The following RGS12 variants were observed in gnomAD, a reference collection of about 807,000 sequenced individuals.
RGS12 encodes regulator of G protein signaling 12, also known as regulator of G-protein signaling 12.
In RGS12, 66 loss-of-function variants were observed where a neutral mutation model predicts 120.1. The ratio of observed to expected loss-of-function variants is 0.55; its 90% CI spans 0.45 to 0.67. RGS12 has a LOEUF of 0.67. Ranked by LOEUF, RGS12 falls within the 30% of genes least tolerant of loss-of-function variation. The pLI is 0.00. For synonymous variants in RGS12, 827 were observed against 804.7 expected (o/e 1.03, Z -0.47); for missense variants, 1,859 against 1,957.7 (o/e 0.95, Z 0.95).
intron 4 of RGS12, among the ~76,000 whole-genome samples, chr4:3,405,230 T>A (rs571027406): frequency 6.6e-5 from 10 of 152,294 alleles, no homozygotes; most frequent in African/African-American, 2.4e-4. Context: ...TGCACGAAGC[T>A]TATTATCACC....
At chr4:3,391,982 A>G (rs988343872) in intron 4 of RGS12, among the ~76,000 whole-genome samples, 1 of 152,210 alleles carries the variant, frequency 6.6e-6, no homozygotes, top group Non-Finnish European at 1.5e-5. Context: ...CTTTTAACCT[A>G]AGGACTTTCA....
chr4:3,367,020 G>T (rs571964299), intron 3 of RGS12, among the ~76,000 whole-genome samples: 1 of 152,314 alleles, frequency 6.6e-6, no homozygotes, highest in African/African-American at 2.4e-5. Flanking sequence ...TGCCCTGGCT[G>T]GACCCAGAGC....
chr4:3,428,301 T>C (rs780597840), intron 15 of RGS12, 132 bp downstream of exon 15: 2 of 919,178 alleles, frequency 2.2e-6, no homozygotes, highest in Non-Finnish European at 3.6e-6. Context: ...CTTGGCGGGG[T>C]CTCTCTCGTC....
chr4:3,399,274 T>A (rs1490092665), intron 4 of RGS12, among the ~76,000 whole-genome samples: 1 of 151,932 alleles, frequency 6.6e-6, no homozygotes, highest in East Asian at 1.9e-4. Context: ...AATGCAGAAA[T>A]TATCAAAATA....
At chr4:3,423,104 C>T (rs1402052305) in intron 12 of RGS12, 126 bp downstream of exon 12, 14 of 525,598 alleles carry the variant, frequency 2.7e-5, no homozygotes, top group Admixed American at 6.5e-5. Flanking sequence ...GATGGGGTGT[C>T]GGGGCGGGGG....
At chr4:3,377,952 T>A (rs1284155125) in intron 3 of RGS12, among the ~76,000 whole-genome samples, 1 of 152,262 alleles carries the variant, frequency 6.6e-6, no homozygotes, top group African/African-American at 2.4e-5. Flanking sequence ...ATGTTTAAAT[T>A]GTAAGCACCG....
intron 3 of RGS12, among the ~76,000 whole-genome samples, chr4:3,370,578 C>G (rs1030867069): frequency 2.0e-5 from 3 of 152,266 alleles, no homozygotes; most frequent in African/African-American, 7.2e-5. Context: ...CCCAAGCTGC[C>G]AGGTTTTAAG....
intron 2 of RGS12, among the ~76,000 whole-genome samples, chr4:3,335,460 C>T (rs780229480): frequency 2.6e-5 from 4 of 152,196 alleles, no homozygotes; most frequent in Admixed American, 1.3e-4. Flanking sequence ...CCCTCTATGA[C>T]ACCGACAGGG....
intron 3 of RGS12, among the ~76,000 whole-genome samples, chr4:3,345,760 A>G (rs544135104): frequency 7.2e-5 from 11 of 152,228 alleles, no homozygotes; most frequent in Non-Finnish European, 1.6e-4. Flanking sequence ...ATAAAGGGAA[A>G]ATGCAGAGTG....
At chr4:3,373,208 T>C (rs569715211) in intron 3 of RGS12, among the ~76,000 whole-genome samples, 2 of 152,334 alleles carry the variant, frequency 1.3e-5, no homozygotes, top group African/African-American at 4.8e-5. Context: ...GCTGCAGCCT[T>C]GGGCCCCATG....
At chr4:3,407,928 C>T (rs995969183) in intron 4 of RGS12, among the ~76,000 whole-genome samples, 1 of 152,200 alleles carries the variant, frequency 6.6e-6, no homozygotes, top group South Asian at 2.1e-4. Flanking sequence ...AGACTTTAAA[C>T]TCTTTTTCAC....
chr4:3,426,402 C>T (rs1034113279), intron 14 of RGS12, among the ~76,000 whole-genome samples: 1 of 151,860 alleles, frequency 6.6e-6, no homozygotes, highest in African/African-American at 2.4e-5. Flanking sequence ...TTGGTCTGGG[C>T]CCCCTGGTCC....
chr4:3,341,842 G>A (rs1040154211), intron 2 of RGS12, among the ~76,000 whole-genome samples: 13 of 146,412 alleles, frequency 8.9e-5, no homozygotes, highest in Non-Finnish European at 1.2e-4. Flanking sequence ...AGGTGTGGGC[G>A]GAGGGTAGGG....
At chr4:3,348,378 G>A (rs1246876618) in intron 3 of RGS12, among the ~76,000 whole-genome samples, 2 of 152,222 alleles carry the variant, frequency 1.3e-5, no homozygotes, top group African/African-American at 2.4e-5. Context: ...TCTTTGTTTC[G>A]TAGGCCAGTT....
intron 1 of RGS12, among the ~76,000 whole-genome samples, chr4:3,313,212 A>G (rs978517339): frequency 3.9e-5 from 6 of 152,374 alleles, no homozygotes; most frequent in East Asian, 1.9e-4. Context: ...TATGTCACAC[A>G]GTGTGAGGCG....
intron 3 of RGS12, among the ~76,000 whole-genome samples, chr4:3,362,039 C>G (rs1312234603): frequency 6.6e-6 from 1 of 152,216 alleles, no homozygotes; most frequent in Non-Finnish European, 1.5e-5. Context: ...TCACCCACAG[C>G]AGGCTGCGGC....
In RGS12 at chr4:3,374,345, G is replaced by A. The variant is rs942353673; in HGVS notation, c.1999-12071G>A. ...TTTTCACCACTGTCAGGTCTTCACG[G>A]GGGAGGCCTAGGCTGGGCGGGGACC... On this transcript the variant is annotated intron_variant, in intron 3 of 17. Transcript: ENST00000336727. The surrounding 1 kb of genome is among the most constrained non-coding windows in gnomAD (Gnocchi z 6.3). Among the ~76,000 whole-genome samples the A allele has an allele frequency of 3.3e-5, 5 of 152,268 alleles. No individual in the cohort carries two copies. The highest frequency in any genetic ancestry group is 1.2e-4 in the African/African-American group (5 of 41,560).
intron 17 of RGS12, among the ~76,000 whole-genome samples, chr4:3,439,069 G>T (rs556898102): frequency 6.6e-6 from 1 of 152,038 alleles, no homozygotes; most frequent in African/African-American, 2.4e-5. Context: ...GGTGGCCCTT[G>T]AGGATGGGCC....
chr4:3,292,275 G>C (rs569850502), upstream of RGS12, among the ~76,000 whole-genome samples: 9,283 of 152,270 alleles, frequency 0.061, 492 homozygotes, highest in African/African-American at 0.15. Context: ...GGCGCAGGCC[G>C]GGGCCGGGCA....
Sources: gnomAD v4.1 joint callset for allele counts (sites outside exome capture counted in the v4.1 genomes callset) on GRCh38, gnomAD v4.1.1 for gene constraint, Gnocchi (gnomAD v3.1) non-coding constraint, MANE v1.5 for transcripts, NCBI Gene and HGNC (gene_info 2026-07-23, HGNC 2026-07-21) for gene names.